Variants in NTRK3 observed in about 807,000 individuals in gnomAD.
The protein encoded by NTRK3 is neurotrophic receptor tyrosine kinase 3.
NTRK3 carries 24 observed loss-of-function variants against 91.7 expected under a neutral mutation model. The ratio of observed to expected loss-of-function variants is 0.26; its 90% CI spans 0.19 to 0.37. The LOEUF (loss-of-function observed/expected upper bound fraction) is 0.37, where lower values mean the gene tolerates loss of function less well. Among genes scored for constraint, NTRK3 ranks in the 10% least tolerant of loss-of-function variants. The pLI is 1.00. For synonymous variants in NTRK3, 483 were observed against 404.0 expected (o/e 1.20, Z -2.34); for missense variants, 880 against 1,068.9 (o/e 0.82, Z 2.46).
intron 3 of NTRK3, among the ~76,000 whole-genome samples, chr15:88,228,170 T>G (rs2050846329): frequency 6.6e-6 from 1 of 151,962 alleles, no homozygotes; most frequent in Admixed American, 6.6e-5. Flanking sequence ...GGCACGTCAC[T>G]CCCCTCTCTC....
intron 5 of NTRK3, among the ~76,000 whole-genome samples, chr15:88,173,094 A>C (rs1037322234): frequency 1.3e-5 from 2 of 152,224 alleles, no homozygotes; most frequent in African/African-American, 4.8e-5. Flanking sequence ...GTTCAATAAA[A>C]GCAGGAAGGA....
At chr15:88,126,974 AT>A (rs1231391363) in intron 12 of NTRK3, among the ~76,000 whole-genome samples, 187 bp downstream of exon 12, 7 of 152,094 alleles carry the variant, frequency 4.6e-5, no homozygotes, top group African/African-American at 1.7e-4. Context: ...ATCGTCAAAC[AT>A]TTCCTCAAAC....
intron 15 of NTRK3, among the ~76,000 whole-genome samples, chr15:87,939,524 T>C (rs143702543): frequency 6.6e-6 from 1 of 152,316 alleles, no homozygotes; most frequent in Non-Finnish European, 1.5e-5. Context: ...TTGCCCTCTG[T>C]GGACAGAAAC....
At chr15:87,988,426 A>T (rs2075022472) in intron 14 of NTRK3, among the ~76,000 whole-genome samples, 1 of 152,256 alleles carries the variant, frequency 6.6e-6, no homozygotes, top group South Asian at 2.1e-4. Context: ...TATTGAACTT[A>T]ATTAAGAATA....
intron 13 of NTRK3, among the ~76,000 whole-genome samples, chr15:88,092,590 C>T (rs899068264): frequency 1.1e-4 from 16 of 152,332 alleles, no homozygotes; most frequent in African/African-American, 3.8e-4. Context: ...GCTGCTGTAA[C>T]AAATTCCCAC....
intron 13 of NTRK3, among the ~76,000 whole-genome samples, chr15:88,044,377 C>A (rs562120092): frequency 3.3e-5 from 5 of 150,834 alleles, no homozygotes; most frequent in African/African-American, 1.2e-4. Context: ...TCTCCTGCCT[C>A]AGCTTCCCGA....
intron 13 of NTRK3, among the ~76,000 whole-genome samples, chr15:88,070,405 G>T (rs924287289): frequency 1.3e-5 from 2 of 152,012 alleles, no homozygotes; most frequent in African/African-American, 4.8e-5. Flanking sequence ...GGGCGCTGGG[G>T]TCTCTGTGGG....
intron 3 of NTRK3, among the ~76,000 whole-genome samples, chr15:88,206,331 G>GC (rs2048761450): frequency 7.5e-6 from 1 of 133,810 alleles, no homozygotes. Flanking sequence ...GGGCGACAGC[G>GC]AGACTCCATC....
intron 17 of NTRK3, among the ~76,000 whole-genome samples, chr15:87,884,518 T>C (rs1240093559): frequency 6.6e-6 from 1 of 151,778 alleles, no homozygotes; most frequent in Non-Finnish European, 1.5e-5. Flanking sequence ...CAGCCTTACA[T>C]GTATATTTAC....
chr15:88,242,010 G>A (rs1598140453), intron 3 of NTRK3, among the ~76,000 whole-genome samples: 1 of 152,162 alleles, frequency 6.6e-6, no homozygotes, highest in African/African-American at 2.4e-5. Context: ...GCCCATCAGA[G>A]ACTCTCCAAT....
chr15:87,921,270 CAG>C (rs2141840714), intron 17 of NTRK3, among the ~76,000 whole-genome samples: 1 of 152,268 alleles, frequency 6.6e-6, no homozygotes, highest in African/African-American at 2.4e-5. Flanking sequence ...ACACAATAAA[CAG>C]AGTCTGGTCA....
intron 17 of NTRK3, 132 bp from the exon 18 acceptor site, chr15:87,885,867 A>G: frequency 2.5e-6 from 1 of 396,364 alleles, no homozygotes; most frequent in Non-Finnish European, 4.4e-6. Context: ...ATTTAGAGAT[A>G]CAACTTACAA....
At chr15:87,883,138 G>A (rs1022965958) in intron 17 of NTRK3, among the ~76,000 whole-genome samples, 1 of 150,618 alleles carries the variant, frequency 6.6e-6, no homozygotes, top group Non-Finnish European at 1.5e-5. Flanking sequence ...TGCATATACA[G>A]ATATATATAG....
rs2052335680 is a variant in NTRK3, at chr15:88,241,376, C to G, written c.248+14530G>C. The stretch of plus-strand genomic sequence containing the variant: ...TCACCTGGATGGGAGACACAGCCTG[C>G]AGCTCAGGGATGGGGGTGATGGGCG... On this transcript the variant is annotated intron_variant, in intron 3 of 18. Coordinates refer to ENST00000394480, the Ensembl canonical transcript of NTRK3. The surrounding 1 kb of genome is among the most constrained non-coding windows in gnomAD (Gnocchi z 4.3). Among the ~76,000 whole-genome samples, 1 of 152,158 alleles carries G rather than the reference C, an allele frequency of 6.6e-6. No homozygotes were observed. The highest frequency in any genetic ancestry group is 2.4e-5 in the African/African-American group (1 of 41,428).
chr15:88,090,881 C>A (rs2048951856), intron 13 of NTRK3, among the ~76,000 whole-genome samples: 1 of 152,196 alleles, frequency 6.6e-6, no homozygotes, highest in Admixed American at 6.5e-5. Flanking sequence ...TCCAGGACAA[C>A]TTGGATGCAG....
At chr15:88,083,972 C>T (rs762039951) in intron 13 of NTRK3, among the ~76,000 whole-genome samples, 4 of 152,076 alleles carry the variant, frequency 2.6e-5, no homozygotes, top group Non-Finnish European at 5.9e-5. Context: ...CACTCTTCCC[C>T]TAATTTTAAA....
intron 14 of NTRK3, among the ~76,000 whole-genome samples, chr15:87,943,936 C>T (rs1018767639): frequency 6.6e-6 from 1 of 152,052 alleles, no homozygotes; most frequent in African/African-American, 2.4e-5. Flanking sequence ...CAGAAGCCTC[C>T]GTGGGCCAAA....
intron 14 of NTRK3, among the ~76,000 whole-genome samples, chr15:87,957,185 AGCG>A (rs2071757440): frequency 5.4e-3 from 1 of 186 alleles, no homozygotes; most frequent in Non-Finnish European, 7.4e-3. Flanking sequence ...ATAATACTAG[AGCG>A]AGCCTGCCTC....
chr15:88,066,381 G>A (rs1377048950), intron 13 of NTRK3, among the ~76,000 whole-genome samples: 1 of 152,176 alleles, frequency 6.6e-6, no homozygotes, highest in Non-Finnish European at 1.5e-5. Context: ...CTTAATGATT[G>A]CAGATCCCCT....
Sources: gnomAD v4.1 joint callset for allele counts (sites outside exome capture counted in the v4.1 genomes callset) on GRCh38, gnomAD v4.1.1 for gene constraint, Gnocchi (gnomAD v3.1) non-coding constraint, MANE v1.5 for transcripts, NCBI Gene and HGNC (gene_info 2026-07-23, HGNC 2026-07-21) for gene names.